The following EFCAB11 variants were observed in gnomAD, a reference collection of about 807,000 sequenced individuals.
EFCAB11 encodes EF-hand calcium-binding domain-containing protein 11.
Under a neutral mutation model 23.0 loss-of-function variants are expected in EFCAB11, and 14 were observed. The ratio of observed to expected loss-of-function variants is 0.61; its 90% CI spans 0.40 to 0.95. The LOEUF (loss-of-function observed/expected upper bound fraction) is 0.95, where lower values mean the gene tolerates loss of function less well. Ranked by LOEUF, EFCAB11 falls within the 40% of genes least tolerant of loss-of-function variation. The pLI, the probability that EFCAB11 is intolerant of heterozygous loss-of-function variation, is 0.00. For synonymous variants in EFCAB11, 65 were observed against 66.6 expected, an observed-to-expected ratio of 0.98 and a Z score of 0.11; for missense variants, 198 against 195.8, an observed-to-expected ratio of 1.01 and a Z score of -0.07.
intron 5 of EFCAB11, 84 bp downstream of exon 5, chr14:89,931,457 A>G: frequency 8.0e-7 from 1 of 1,245,018 alleles, no homozygotes; most frequent in Non-Finnish European, 1.1e-6. Flanking sequence ...ATCAGAATAA[A>G]TAAGTTCTTT....
chr14:89,847,749 AAAAAAAAAAAG>A lies in EFCAB11; in HGVS notation c.411-50436_411-50426del, dbSNP rs1017753641. On this transcript the variant is annotated intron_variant, in intron 5 of 5. Coordinates refer to ENST00000316738, the MANE Select transcript of EFCAB11 (RefSeq NM_145231.4). ...AGAGAAACTCTGTCTCACAAAAAAA[AAAAAAAAAAAG>A]AAAGAAAGAAAGAAAGAAAAAAAAG... Among the ~76,000 whole-genome samples, 8 of 143,422 alleles carry A rather than the reference AAAAAAAAAAAG, an allele frequency of 5.6e-5. No individual in the cohort carries two copies. The East Asian group carries it at 1.4e-3, about 25-fold the overall frequency. The allele number at this position is 143,422 out of a possible 152,430, so 94.1% of individuals were successfully genotyped here. A position where few individuals can be genotyped will look rare whatever the true frequency, so the allele number is the denominator to read the frequency against.
chr14:89,936,595 G>A (rs1051535789), intron 3 of EFCAB11, among the ~76,000 whole-genome samples: 1 of 152,132 alleles, frequency 6.6e-6, no homozygotes, highest in African/African-American at 2.4e-5. Flanking sequence ...CATATATTGT[G>A]TGAACATATC....
chr14:89,806,069 A>G (rs953356289), intron 5 of EFCAB11, among the ~76,000 whole-genome samples: 5 of 152,182 alleles, frequency 3.3e-5, no homozygotes, highest in African/African-American at 1.2e-4. Flanking sequence ...TGAAGAGGCT[A>G]TTGAGGGAAC....
Position 89,894,111 on chromosome 14 carries a change from C to T in EFCAB11, c.410+37430G>A, listed in dbSNP as rs150424936. 9.7e-3 allele frequency among the ~76,000 whole-genome samples: 1,478 copies of T among 152,174 alleles called. 11 individuals carry two copies. Among genetic ancestry groups the T allele is most frequent in the Non-Finnish European group, 0.015 (1,014 of 67,990 alleles). ...TCTCCTGTGCCCGCCATCACGCCCC[C>T]GGCTTATTTTTCGTATTTTTAGTAG... On this transcript the variant is annotated intron_variant, in intron 5 of 5. Transcript: ENST00000316738.
intron 5 of EFCAB11, among the ~76,000 whole-genome samples, chr14:89,902,272 C>A (rs976698242): frequency 1.3e-5 from 2 of 152,172 alleles, no homozygotes; most frequent in Non-Finnish European, 2.9e-5. Flanking sequence ...TCCCTAACTT[C>A]CCAATTTTAA....
chr14:89,882,557 A>G (rs1461915452), intron 5 of EFCAB11, among the ~76,000 whole-genome samples: 7 of 151,958 alleles, frequency 4.6e-5, no homozygotes, highest in Non-Finnish European at 7.4e-5. Context: ...TTCTCTCTCT[A>G]TCCATTCACT....
intron 5 of EFCAB11, among the ~76,000 whole-genome samples, chr14:89,849,637 A>C (rs1418137259): frequency 1.1e-5 from 1 of 94,428 alleles, no homozygotes; most frequent in Non-Finnish European, 2.0e-5. Flanking sequence ...AGATACTCTT[A>C]TTGCTAATAT....
chr14:89,896,133 C>A (rs1363179515), intron 5 of EFCAB11, among the ~76,000 whole-genome samples: 1 of 152,180 alleles, frequency 6.6e-6, no homozygotes, highest in Non-Finnish European at 1.5e-5. Flanking sequence ...CGCCTGTAAT[C>A]CCAGCACTTT....
chr14:89,911,454 A>G (rs1480809857), intron 5 of EFCAB11, among the ~76,000 whole-genome samples: 3 of 152,232 alleles, frequency 2.0e-5, no homozygotes, highest in African/African-American at 7.2e-5. Context: ...TCCTCAAGAC[A>G]AGTAAAGGCA....
intron 5 of EFCAB11, among the ~76,000 whole-genome samples, chr14:89,825,647 G>A (rs938350571): frequency 6.6e-6 from 1 of 151,992 alleles, no homozygotes; most frequent in African/African-American, 2.4e-5. Context: ...TTAGAGCCTA[G>A]AGTCATTAAA....
chr14:89,800,665 A>G (rs1216377430), intron 5 of EFCAB11, among the ~76,000 whole-genome samples: 1 of 152,238 alleles, frequency 6.6e-6, no homozygotes, highest in African/African-American at 2.4e-5. Flanking sequence ...TGTAGGCCCA[A>G]TGAAATTAAA....
intron 5 of EFCAB11, among the ~76,000 whole-genome samples, chr14:89,891,929 G>A (rs1475321267): frequency 1.3e-5 from 2 of 152,040 alleles, no homozygotes; most frequent in African/African-American, 4.8e-5. Flanking sequence ...GCCCACGGTG[G>A]GCGCCGAGTG....
At chr14:89,888,219 G>A (rs1888853148) in intron 5 of EFCAB11, among the ~76,000 whole-genome samples, 1 of 152,222 alleles carries the variant, frequency 6.6e-6, no homozygotes, top group African/African-American at 2.4e-5. Context: ...AGGTCATAAA[G>A]GCTGAACCCC....
intron 5 of EFCAB11, among the ~76,000 whole-genome samples, chr14:89,831,370 G>A (rs909825399): frequency 3.3e-5 from 5 of 152,112 alleles, no homozygotes; most frequent in Admixed American, 1.3e-4. Context: ...TAGAATACTC[G>A]CAGAAAAGAT....
At chr14:89,841,284 C>A (rs1007618374) in intron 5 of EFCAB11, among the ~76,000 whole-genome samples, 2 of 152,050 alleles carry the variant, frequency 1.3e-5, no homozygotes, top group Non-Finnish European at 2.9e-5. Flanking sequence ...TTCTGGAACA[C>A]CCCATTCTAA....
intron 5 of EFCAB11, among the ~76,000 whole-genome samples, chr14:89,912,387 G>A (rs1225373050): frequency 6.9e-6 from 1 of 144,870 alleles, no homozygotes; most frequent in Non-Finnish European, 1.5e-5. Flanking sequence ...ATAGCTCAGG[G>A]GCTTTTTTTT....
At chr14:89,840,612 C>T (rs1163213851) in intron 5 of EFCAB11, among the ~76,000 whole-genome samples, 1 of 152,118 alleles carries the variant, frequency 6.6e-6, no homozygotes, top group Non-Finnish European at 1.5e-5. Flanking sequence ...AAATAGTACC[C>T]ATTCATCTGC....
At chr14:89,855,386 G>A (rs571869743) in intron 5 of EFCAB11, among the ~76,000 whole-genome samples, 2 of 152,124 alleles carry the variant, frequency 1.3e-5, no homozygotes, top group Admixed American at 1.3e-4. Flanking sequence ...TGAGGTGGGA[G>A]GATTGCTTGA....
chr14:89,924,613 C>A, intron 5 of EFCAB11: 2 of 1,535,002 alleles, frequency 1.3e-6, no homozygotes, highest in South Asian at 2.4e-5. Context: ...CAGGCAAAGT[C>A]AAGAAAGAAC....
Sources: allele counts gnomAD v4.1 joint callset (sites outside exome capture counted in the v4.1 genomes callset), GRCh38; gene constraint gnomAD v4.1.1; transcripts MANE v1.5; gene names NCBI Gene and HGNC (gene_info 2026-07-23, HGNC 2026-07-21).